The following PXDN variants were observed in gnomAD, a reference collection of about 807,000 sequenced individuals.
The protein encoded by PXDN is peroxidasin homolog.
Under a neutral mutation model 140.3 loss-of-function variants are expected in PXDN, and 77 were observed. The observed-to-expected ratio is 0.55, with a 90% CI of 0.46 to 0.66. PXDN has a LOEUF of 0.66. Ranked by LOEUF, PXDN falls within the 30% of genes least tolerant of loss-of-function variation. The pLI is 0.00. For synonymous variants in PXDN, 911 were observed against 857.4 expected (o/e 1.06, Z -1.09); for missense variants, 1,838 against 2,039.5 (o/e 0.90, Z 1.90).
rs116442944 is a variant in PXDN, at chr2:1,651,564, T to C, written c.2105-1889A>G. ...CTGGTGGAGCACAAATCTCCTTAACTTTATCAGCCCTTCCTCACCCCCTTT... is the reference window on the plus strand; with the variant it reads ...CTGGTGGAGCACAAATCTCCTTAACCTTATCAGCCCTTCCTCACCCCCTTT... On this transcript the variant is annotated intron_variant, in intron 16 of 22. Transcript: ENST00000252804. The surrounding 1 kb of genome is among the most constrained non-coding windows in gnomAD (Gnocchi z 4.4). 7.0e-3 allele frequency among the ~76,000 whole-genome samples: 1,063 copies of C among 152,296 alleles called. 15 individuals are homozygous for C. The highest frequency in any genetic ancestry group is 0.024 in the African/African-American group (1,009 of 41,558).
At position 1,654,411 on chromosome 2, in the gene PXDN, A is replaced by G; in HGVS notation, c.1935T>C (p.His645=). ...CAGCCCCACGATACCTGTCAAACAA[A>G]TGTGTTCGGGTTGAGTTTATAGCTC... The part of the protein sequence containing the change: ...VDRAINSTRT[H]LFDSRPRSPN... The change falls in exon 15 of 23, where the codon CAT becomes CAC. Residue 645 remains histidine (H), a synonymous_variant. Transcript: ENST00000252804. 1.2e-6 allele frequency: 2 copies of G among 1,612,408 alleles called. No homozygotes were observed. Among genetic ancestry groups the G allele is most frequent in the Non-Finnish European group, 1.7e-6 (2 of 1,178,412 alleles).
intron 1 of PXDN, among the ~76,000 whole-genome samples, chr2:1,701,843 C>T (rs1684441994): frequency 6.6e-6 from 1 of 152,138 alleles, no homozygotes; most frequent in Non-Finnish European, 1.5e-5. Context: ...GAAAGAACCC[C>T]GACAGCGGTC....
intron 19 of PXDN, among the ~76,000 whole-genome samples, chr2:1,642,181 G>A (rs1157970267): frequency 6.6e-6 from 1 of 151,800 alleles, no homozygotes; most frequent in Non-Finnish European, 1.5e-5. Flanking sequence ...CAGATGAGGA[G>A]GCAGATGCAG....
At chr2:1,656,772 TC>T (rs924956486) in intron 14 of PXDN, among the ~76,000 whole-genome samples, 1 of 120,352 alleles carries the variant, frequency 8.3e-6, no homozygotes, top group Non-Finnish European at 1.6e-5. Context: ...ATCTGTCCCC[TC>T]CTGACAGGAA....
chr2:1,676,726 G>T, intron 8 of PXDN: 1 of 638,946 alleles, frequency 1.6e-6, no homozygotes, highest in Non-Finnish European at 2.8e-6. Context: ...TGGGGAAGGG[G>T]CCCCAGCCTG....
At chr2:1,739,438 TTTC>T (rs1685490166) in intron 1 of PXDN, among the ~76,000 whole-genome samples, 1 of 152,178 alleles carries the variant, frequency 6.6e-6, no homozygotes, top group Non-Finnish European at 1.5e-5. Context: ...AAGGATATGC[TTTC>T]TTTTTACAAC....
intron 1 of PXDN, among the ~76,000 whole-genome samples, chr2:1,724,302 C>A (rs1685124401): frequency 7.4e-6 from 1 of 135,846 alleles, no homozygotes; most frequent in African/African-American, 2.6e-5. Context: ...TAAAGTAAGT[C>A]TGAATTTCCG....
intron 1 of PXDN, among the ~76,000 whole-genome samples, chr2:1,740,288 C>T (rs914454194): frequency 6.6e-6 from 1 of 152,150 alleles, no homozygotes; most frequent in Non-Finnish European, 1.5e-5. Context: ...CCTCTATCTG[C>T]GTGTGAGGAG....
rs374658487 is a variant in PXDN, at chr2:1,648,475, A to C, written c.3305T>G (p.Phe1102Cys). Residue 1102 changes from phenylalanine to cysteine, a missense_variant, in exon 17 of 23, where the codon TTC becomes TGC. This residue lies in a region of PXDN where 850 missense variants were observed against 894.1 expected (regional missense o/e 0.95). Transcript: ENST00000252804. The surrounding 1 kb of genome is among the most constrained non-coding windows in gnomAD (Gnocchi z 8.9). ...ATTCACAATCCGGAAGGGAGAGAAG[A>C]AAGCTTTGTGAAGGGGGAGGTGATC... ...AQDHLPLHKA[F>C]FSPFRIVNEG... The C allele has an allele frequency of 1.9e-4, 310 of 1,611,358 alleles. No individual in the cohort carries two copies. Among genetic ancestry groups the C allele is most frequent in the Non-Finnish European group, 2.3e-4 (277 of 1,179,832 alleles).
rs551467805 is a variant in PXDN, at chr2:1,714,029, C to T, written c.201-20895G>A. 6.6e-6 allele frequency among the ~76,000 whole-genome samples: 1 copy of T among 152,320 alleles called. No homozygotes were observed. The highest frequency in any genetic ancestry group is 2.4e-5 in the African/African-American group (1 of 41,570). ...ATGTCACCCTGAAACATGGCCCAGC[C>T]TGGGCAACCTACGATAATATTGGCA... On this transcript the variant is annotated intron_variant, in intron 1 of 22. Transcript: ENST00000252804. This position sits in a 1 kb window ranked among gnomAD's most constrained non-coding sequence, Gnocchi z 4.3.
At chr2:1,676,198 T>G (rs2125436743) in intron 8 of PXDN, 1 of 87,374 alleles carries the variant, frequency 1.1e-5, no homozygotes, top group South Asian at 4.0e-4. Flanking sequence ...CTCTTCCCCC[T>G]AGACTCCATC....
rs990772106 is a variant in PXDN, at chr2:1,661,959, G to A, written c.1680+113C>T. On this transcript the variant is annotated intron_variant, in intron 13 of 22. Transcript: ENST00000252804. Reference sequence around the variant, plus strand: ...CATCATACCCCACAGCAGAGGGGAGGCTGGGGCGTGGGCACTGGTCCGCCT... The same window carrying A: ...CATCATACCCCACAGCAGAGGGGAGACTGGGGCGTGGGCACTGGTCCGCCT... 2.5e-5 allele frequency: 22 copies of A among 886,206 alleles called. No individual in the cohort carries two copies. The African/African-American group carries it at 3.0e-4, about 12-fold the overall frequency. 54.9% of individuals were successfully genotyped at this position (886,206 alleles called of 1,614,324 possible).
intron 1 of PXDN, among the ~76,000 whole-genome samples, chr2:1,719,833 ATTGTGT>A (rs1263537773): frequency 2.8e-4 from 26 of 92,566 alleles, no homozygotes; most frequent in East Asian, 2.6e-3. Flanking sequence ...ACATGCGTGC[ATTGTGT>A]GTGTGTGTGT....
chr2:1,639,298 A>T lies in PXDN; in HGVS notation c.4073+4T>A. On this transcript the variant is annotated splice_donor_region_variant and intron_variant, in intron 20 of 22. Coordinates refer to ENST00000252804, the MANE Select transcript of PXDN (RefSeq NM_012293.3). The surrounding 1 kb of genome is among the most constrained non-coding windows in gnomAD (Gnocchi z 5.0). ...ACATCATTTGACCTCAGAGACCACC[A>T]TACCTGGGTATTTTCCGTGGTCTTG... 6.2e-7 allele frequency: 1 copy of T among 1,611,548 alleles called. No individual in the cohort carries two copies. Among genetic ancestry groups the T allele is most frequent in the Non-Finnish European group, 8.5e-7 (1 of 1,178,760 alleles).
In PXDN at chr2:1,743,220, G is replaced by A. The variant is rs534150873; in HGVS notation, c.200+1036C>T. 1.3e-4 allele frequency among the ~76,000 whole-genome samples: 20 copies of A among 152,352 alleles called. No individual in the cohort carries two copies. In the East Asian group the frequency reaches 2.3e-3, roughly 18 times the overall value. ...TCCTGCTGTGGAGACCGTGACGCGG[G>A]ACGGCCCGCAGGACAGGGTGTCAAC... On this transcript the variant is annotated intron_variant, in intron 1 of 22. Transcript: ENST00000252804.
intron 1 of PXDN, among the ~76,000 whole-genome samples, chr2:1,732,397 G>A (rs1685332101): frequency 6.6e-6 from 1 of 152,112 alleles, no homozygotes; most frequent in African/African-American, 2.4e-5. Flanking sequence ...CCCAAATGGA[G>A]TAGGGATCAC....
chr2:1,721,901 A>C (rs1023309679), intron 1 of PXDN, among the ~76,000 whole-genome samples: 8 of 152,252 alleles, frequency 5.3e-5, no homozygotes, highest in Admixed American at 1.3e-4. Context: ...AATGGAATCA[A>C]GAAATATTTA....
Position 1,687,680 on chromosome 2 carries a change from TG to T in PXDN, c.367del (p.Gln123SerfsTer14). The T allele has an allele frequency of 6.5e-7, 1 of 1,531,108 alleles. No individual in the cohort carries two copies. The highest frequency in any genetic ancestry group is 9.0e-7 in the Non-Finnish European group (1 of 1,108,238). 94.8% of individuals were successfully genotyped at this position (1,531,108 alleles called of 1,614,324 possible). ...KYLYLYKNEI[Q>X]SIDRQAFKGL... is the part of the protein sequence containing the mutation. ...CTTAAATGCTTGCCTGTCAATTGAC[TG>T]GATCTCATTCTTGTACAGATAGCTG... On this transcript the variant is annotated frameshift_variant, in exon 4 of 23. Transcript: ENST00000252804. LOFTEE classifies it high-confidence loss of function. The surrounding 1 kb of genome is among the most constrained non-coding windows in gnomAD (Gnocchi z 4.0).
intron 21 of PXDN, chr2:1,636,034 C>T (rs746857321): frequency 3.0e-5 from 7 of 237,212 alleles, no homozygotes; most frequent in East Asian, 1.1e-4. Flanking sequence ...CTTGCAGGGC[C>T]GGGGGGCAGA....
Sources: allele counts gnomAD v4.1 joint callset (sites outside exome capture counted in the v4.1 genomes callset), GRCh38; gene constraint gnomAD v4.1.1; regional missense constraint gnomAD v4.1.1; non-coding constraint Gnocchi (gnomAD v3.1); transcripts MANE v1.5; gene names NCBI Gene and HGNC (gene_info 2026-07-23, HGNC 2026-07-21).